Variants in RNF212 observed in about 807,000 individuals in gnomAD.
RNF212 encodes ring finger protein 212, also known as probable E3 SUMO-protein ligase RNF212.
RNF212 carries 33 observed loss-of-function variants against 34.7 expected under a neutral mutation model. That is an observed-to-expected ratio of 0.95 (90% CI 0.72 to 1.27). The LOEUF (loss-of-function observed/expected upper bound fraction) is 1.27. Ranked by LOEUF, RNF212 falls within the 50% of genes most tolerant of loss-of-function variation. RNF212 has a pLI of 0.00. For missense variants in RNF212, 377 were observed against 362.2 expected (o/e 1.04, Z -0.33); for synonymous variants, 140 against 136.1 (o/e 1.03, Z -0.20).
chr4:1,058,311 G>GGTTAGAACGCTGTGAAGAAGGTGCTT (rs1560086855), intron 4 of RNF212: 1 of 921,502 alleles, frequency 1.1e-6, no homozygotes, highest in African/African-American at 1.8e-5. Context: ...TGCTTGCGGG[G>GGTTAGAACGCTGTGAAGAAGGTGCTT]GGGCACTACC....
At chr4:1,070,768 C>T (rs1326841629), downstream of RNF212, among the ~76,000 whole-genome samples, 1 of 152,168 alleles carries the variant, frequency 6.6e-6, no homozygotes, top group African/African-American at 2.4e-5. Context: ...TAGGGCACCA[C>T]ATCGGTAACA....
chr4:1,092,001 C>A (rs569752636), intron 3 of RNF212, among the ~76,000 whole-genome samples: 1 of 152,364 alleles, frequency 6.6e-6, no homozygotes, highest in South Asian at 2.1e-4. Context: ...CCTTTCCCAC[C>A]TTTGCCGACG....
chr4:1,094,024 A>G, intron 3 of RNF212: 2 of 1,497,932 alleles, frequency 1.3e-6, no homozygotes, highest in Non-Finnish European at 1.8e-6. Flanking sequence ...ACTGTGGGTG[A>G]TTCAGGCTGT....
At chr4:1,094,249 G>A (rs1344525198) in intron 3 of RNF212, among the ~76,000 whole-genome samples, 1 of 152,206 alleles carries the variant, frequency 6.6e-6, no homozygotes. Context: ...GGGAAAGGAA[G>A]TGCAGGGCGG....
intron 8 of RNF212, among the ~76,000 whole-genome samples, chr4:1,078,011 G>C (rs548469197): frequency 6.6e-6 from 1 of 152,222 alleles, no homozygotes; most frequent in African/African-American, 2.4e-5. Flanking sequence ...ACGGCTCTTC[G>C]TTCCCTACTG....
At chr4:1,102,370 C>T (rs558177678) in intron 2 of RNF212, among the ~76,000 whole-genome samples, 2 of 152,272 alleles carry the variant, frequency 1.3e-5, no homozygotes, top group South Asian at 2.1e-4. Context: ...ATACAGGAAA[C>T]GTCAGCCCTC....
chr4:1,062,565 T>C (rs1364986639), intron 3 of RNF212, among the ~76,000 whole-genome samples: 1 of 152,160 alleles, frequency 6.6e-6, no homozygotes, highest in Non-Finnish European at 1.5e-5. Flanking sequence ...AGGCTGAAAG[T>C]TTCCTCCTAA....
chr4:1,096,826 A>G lies in RNF212; in HGVS notation c.185T>C (p.Ile62Thr). The G allele has an allele frequency of 2.5e-6, 4 of 1,611,990 alleles. No homozygotes were observed. The highest frequency in any genetic ancestry group is 2.2e-5 in the South Asian group (2 of 91,024). The change falls in exon 3 of 10, where the codon ATC becomes ACC. Residue 62 changes from isoleucine (I) to threonine (T), a missense_variant. Coordinates refer to ENST00000433731, the MANE Select transcript of RNF212 (RefSeq NM_001131034.4). ...VLLSKHTDADIQAFFMSIDSL... is the reference protein window; with the variant it reads ...VLLSKHTDADTQAFFMSIDSL... ...GTCTATGCTCATGAAGAATGCCTGG[A>G]TATCTGCGTCGGTCTGAAAGAGAAA...
intron 3 of RNF212, among the ~76,000 whole-genome samples, chr4:1,062,366 G>A (rs1398545894): frequency 6.6e-6 from 1 of 152,146 alleles, no homozygotes; most frequent in Non-Finnish European, 1.5e-5. Context: ...TTCTATCAAT[G>A]GAAGTAATTA....
At chr4:1,056,594 C>G (rs1205792785) in intron 4 of RNF212, 6 of 584,254 alleles carry the variant, frequency 1.0e-5, no homozygotes, top group African/African-American at 1.0e-4. Flanking sequence ...TTAAAAAATT[C>G]AGATGTCATC....
downstream of RNF212, among the ~76,000 whole-genome samples, chr4:1,069,028 C>T (rs919581348): frequency 1.3e-5 from 2 of 151,958 alleles, no homozygotes; most frequent in Admixed American, 1.3e-4. Context: ...GGCAACATGG[C>T]GAAACTCCAT....
intron 3 of RNF212, among the ~76,000 whole-genome samples, chr4:1,066,036 T>C (rs1356906732): frequency 2.0e-5 from 3 of 149,924 alleles, no homozygotes; most frequent in African/African-American, 7.4e-5. Context: ...TTTAAATATA[T>C]AGTAGCCATC....
At chr4:1,071,234 T>C (rs1168997406), downstream of RNF212, among the ~76,000 whole-genome samples, 1 of 151,966 alleles carries the variant, frequency 6.6e-6, no homozygotes, top group Non-Finnish European at 1.5e-5. Flanking sequence ...TTTTCTGTGC[T>C]TGAAATATTT....
intron 2 of RNF212, chr4:1,099,922 G>C (rs1723694556): frequency 2.2e-6 from 1 of 454,664 alleles, no homozygotes; most frequent in Non-Finnish European, 4.4e-6. Flanking sequence ...ACACAGGAAA[G>C]GGGCGCTGCA....
intron 8 of RNF212, among the ~76,000 whole-genome samples, chr4:1,077,099 G>A (rs557176660): frequency 6.6e-6 from 1 of 152,252 alleles, no homozygotes; most frequent in African/African-American, 2.4e-5. Flanking sequence ...ATGGTGGTGC[G>A]TGCCTGTAGT....
intron 2 of RNF212, among the ~76,000 whole-genome samples, chr4:1,097,776 T>C (rs1176159107): frequency 6.6e-6 from 1 of 152,118 alleles, no homozygotes; most frequent in Non-Finnish European, 1.5e-5. Flanking sequence ...TAGAATCGCT[T>C]GAGCAGTCCA....
At chr4:1,056,906 C>T (rs1717359755) in intron 4 of RNF212, 4 of 987,926 alleles carry the variant, frequency 4.0e-6, no homozygotes, top group Non-Finnish European at 4.8e-6. Flanking sequence ...GGCCTGGGAG[C>T]CCCCGAAGCT....
intron 5 of RNF212, chr4:1,085,680 C>A (rs1721049413): frequency 3.4e-6 from 2 of 584,888 alleles, no homozygotes; most frequent in South Asian, 4.2e-5. Flanking sequence ...CAAGGGGAAA[C>A]CATTCATCTC....
At chr4:1,104,317 T>A (rs571712636) in intron 2 of RNF212, among the ~76,000 whole-genome samples, 1 of 152,350 alleles carries the variant, frequency 6.6e-6, no homozygotes, top group African/African-American at 2.4e-5. Context: ...AATGGCTTAT[T>A]GTGGGGACAC....
Sources: allele counts gnomAD v4.1 joint callset (sites outside exome capture counted in the v4.1 genomes callset), GRCh38; gene constraint gnomAD v4.1.1; transcripts MANE v1.5; gene names NCBI Gene and HGNC (gene_info 2026-07-23, HGNC 2026-07-21).